XPA: variants seen among roughly 807,000 people sequenced by gnomAD.
XPA encodes XPA, DNA damage recognition and repair factor, also known as DNA repair protein complementing XP-A cells.
In XPA, 27 loss-of-function variants were observed where a neutral mutation model predicts 35.7. The observed-to-expected ratio is 0.76, with a 90% CI of 0.56 to 1.04. The LOEUF is 1.04. Among genes scored for constraint, XPA ranks in the 50% least tolerant of loss-of-function variants. The pLI is 0.00. For synonymous variants in XPA, 133 were observed against 118.4 expected (o/e 1.12, Z -0.80); for missense variants, 354 against 342.7 (o/e 1.03, Z -0.26).
At chr9:97,688,329 T>C (rs1217047674) in intron 3 of XPA, among the ~76,000 whole-genome samples, 1 of 151,820 alleles carries the variant, frequency 6.6e-6, no homozygotes, top group African/African-American at 2.4e-5. Flanking sequence ...TCACATTGCA[T>C]CACTCACTTC....
intron 5 of XPA, among the ~76,000 whole-genome samples, chr9:97,676,524 AT>A (rs1828371378): frequency 6.6e-6 from 1 of 152,224 alleles, no homozygotes; most frequent in African/African-American, 2.4e-5. Context: ...TAAAAATAAC[AT>A]ACATCAAGTA....
At chr9:97,696,458 G>A (rs763788663) in intron 1 of XPA, among the ~76,000 whole-genome samples, 10 of 152,146 alleles carry the variant, frequency 6.6e-5, no homozygotes, top group Non-Finnish European at 1.5e-4. Flanking sequence ...AAATCGCAGA[G>A]GTCACATGTC....
the XPA span, among the ~76,000 whole-genome samples, chr9:97,667,648 C>T: frequency 6.6e-6 from 1 of 152,198 alleles, no homozygotes; most frequent in African/African-American, 2.4e-5. Flanking sequence ...GGTTCTGACA[C>T]AGGTCTGTCA....
chr9:97,667,943 C>G, the XPA span, among the ~76,000 whole-genome samples: 10 of 152,126 alleles, frequency 6.6e-5, no homozygotes, highest in African/African-American at 2.4e-4. Context: ...GTCGTGTACC[C>G]ACGTGTCTAG....
At chr9:97,657,906 C>CTCTCTCTCTCTCTATA in the XPA span, among the ~76,000 whole-genome samples, 1 of 127,510 alleles carries the variant, frequency 7.8e-6, no homozygotes, top group African/African-American at 3.1e-5. Context: ...CTCTCTCTCT[C>CTCTCTCTCTCTCTATA]TATATATATA....
chr9:97,655,898 A>C, the XPA span: 1 of 1,331,808 alleles, frequency 7.5e-7, no homozygotes, highest in Non-Finnish European at 1.0e-6. Context: ...TACAAGTGCA[A>C]TTATAACTTA....
downstream of XPA, among the ~76,000 whole-genome samples, chr9:97,670,590 C>G (rs1828159045): frequency 6.6e-6 from 1 of 152,216 alleles, no homozygotes. Flanking sequence ...TTTATAGTTA[C>G]TGCCAGTTTT....
chr9:97,669,844 C>G, the XPA span: 12 of 720,326 alleles, frequency 1.7e-5, no homozygotes, highest in Non-Finnish European at 2.3e-5. Context: ...TTTGCTGCTA[C>G]CATTGCTCAT....
chr9:97,655,635 T>A, the XPA span: 1 of 1,333,690 alleles, frequency 7.5e-7, no homozygotes, highest in Non-Finnish European at 1.1e-6. Flanking sequence ...AAGGCTTATA[T>A]AAGTTTCTGT....
chr9:97,684,962 C>T lies in XPA; in HGVS notation c.634G>A (p.Glu212Lys). 1 of 1,613,490 alleles carries T rather than the reference C, an allele frequency of 6.2e-7. No individual in the cohort carries two copies. The highest frequency in any genetic ancestry group is 1.1e-5 in the South Asian group (1 of 91,058). ...TCAAATTTCTTCTGTTTCATTTTTT[C>T]TCGGTTTTCCTGTCGGACTTCCTTT... is the stretch of plus-strand genomic sequence containing the variant. The part of the protein sequence containing the change: ...EAKEVRQENR[E>K]KMKQKKFDKK... Residue 212 changes from glutamate to lysine, a missense_variant, in exon 5 of 6, where the codon GAA (glutamate) becomes AAA (lysine). Coordinates refer to ENST00000375128, the MANE Select transcript of XPA (RefSeq NM_000380.4).
intron 2 of XPA, among the ~76,000 whole-genome samples, chr9:97,691,929 A>G (rs1828904136): frequency 6.8e-6 from 1 of 147,614 alleles, no homozygotes; most frequent in Admixed American, 6.8e-5. Flanking sequence ...AAATAAATAA[A>G]TTTTACTAAG....
the XPA span, chr9:97,654,794 C>T: frequency 7.6e-6 from 9 of 1,176,674 alleles, no homozygotes; most frequent in Admixed American, 1.7e-4. Flanking sequence ...ATTATAAAGA[C>T]TTGAAATGTT....
the XPA span, among the ~76,000 whole-genome samples, chr9:97,659,680 TATGC>T: frequency 6.6e-6 from 1 of 152,186 alleles, no homozygotes; most frequent in South Asian, 2.1e-4. Flanking sequence ...ATCAAAGGTT[TATGC>T]AGTACTTAGA....
In XPA at chr9:97,689,597, C is replaced by T. The variant is rs761457416; in HGVS notation, c.326G>A (p.Gly109Glu). The change falls in exon 3 of 6, where the codon GGG (glycine) becomes GAG (glutamate). Residue 109 changes from glycine (G) to glutamate (E), a missense_variant. Coordinates refer to ENST00000375128, the MANE Select transcript of XPA (RefSeq NM_000380.4). The stretch of plus-strand genomic sequence containing the variant: ...AAGATAAGAATCCATAAATTCTTTC[C>T]CACATTCTTCGCATATTACATAATC... ...EFDYVICEEC[G>E]KEFMDSYLMN... 8.7e-6 allele frequency: 14 copies of T among 1,612,794 alleles called. No individual in the cohort carries two copies. Among genetic ancestry groups the T allele is most frequent in the Non-Finnish European group, 1.1e-5 (13 of 1,179,210 alleles).
At chr9:97,679,156 A>G (rs1374128841) in intron 5 of XPA, among the ~76,000 whole-genome samples, 1 of 152,222 alleles carries the variant, frequency 6.6e-6, no homozygotes, top group Admixed American at 6.5e-5. Flanking sequence ...TACTTTGGTT[A>G]TGTAACAAAA....
intron 2 of XPA, among the ~76,000 whole-genome samples, chr9:97,690,687 T>C (rs1346757374): frequency 6.6e-6 from 1 of 152,086 alleles, no homozygotes; most frequent in East Asian, 1.9e-4. Context: ...TACCCAGCCC[T>C]AATTTTTGTA....
the XPA span, chr9:97,661,095 TG>T: frequency 3.7e-6 from 6 of 1,609,360 alleles, no homozygotes; most frequent in Non-Finnish European, 5.1e-6. Context: ...ATTTCTTAAG[TG>T]GAACTATGTA....
At chr9:97,669,584 C>G in the XPA span, 4 of 1,583,176 alleles carry the variant, frequency 2.5e-6, no homozygotes, top group Non-Finnish European at 2.6e-6. Flanking sequence ...ACTTCTTCTC[C>G]CTTTCCAGCG....
At position 97,696,969 on chromosome 9, in the gene XPA, G is replaced by A; in HGVS notation, c.172+152C>T. 3.6e-6 allele frequency: 4 copies of A among 1,101,010 alleles called. No individual in the cohort carries two copies. The South Asian group carries it at 5.1e-5, about 14-fold the overall frequency. 68.2% of individuals were successfully genotyped at this position (1,101,010 alleles called of 1,614,324 possible). On this transcript the variant is annotated intron_variant, in intron 1 of 5. Coordinates refer to ENST00000375128, the MANE Select transcript of XPA (RefSeq NM_000380.4). ...GACGCTTTGACAAGGCGGCTGGCTG[G>A]GCGGATTCCCTCTCCGACTCGGGGA... is the stretch of plus-strand genomic sequence containing the variant.
Sources: gnomAD v4.1 joint callset for allele counts (sites outside exome capture counted in the v4.1 genomes callset) on GRCh38, gnomAD v4.1.1 for gene constraint, MANE v1.5 for transcripts, NCBI Gene and HGNC (gene_info 2026-07-23, HGNC 2026-07-21) for gene names.